Variants in STX8 observed in about 807,000 individuals in gnomAD.
STX8 encodes syntaxin-8.
Under a neutral mutation model 37.5 loss-of-function variants are expected in STX8, and 23 were observed. That is an observed-to-expected ratio of 0.61 (90% confidence interval 0.44 to 0.87). The LOEUF is 0.87. Among genes scored for constraint, STX8 ranks in the 40% least tolerant of loss-of-function variants. STX8 has a pLI of 0.00. For synonymous variants in STX8, 115 were observed against 99.1 expected, an observed-to-expected ratio of 1.16 and a Z score of -0.95; for missense variants, 313 against 284.7, an observed-to-expected ratio of 1.10 and a Z score of -0.71.
chr17:9,386,491 G>A (rs377276798), intron 6 of STX8, among the ~76,000 whole-genome samples: 1 of 152,048 alleles, frequency 6.6e-6, no homozygotes, highest in African/African-American at 2.4e-5. Context: ...ACAAATTCAC[G>A]CAAATGGGTA....
chr17:9,345,153 TTTC>T (rs1254924392), intron 7 of STX8, among the ~76,000 whole-genome samples: 1 of 151,562 alleles, frequency 6.6e-6, no homozygotes, highest in Non-Finnish European at 1.5e-5. Context: ...TCTCATTTTC[TTTC>T]TTTTTTTTTT....
Position 9,330,986 on chromosome 17 carries a change from C to T in STX8, c.643+47566G>A, listed in dbSNP as rs116937061. On this transcript the variant is annotated intron_variant, in intron 7 of 7. Transcript: ENST00000306357. The stretch of plus-strand genomic sequence containing the variant: ...TTTTAAATATAGAAAGCCAGGCCTC[C>T]GGCGCCAACTCTTCAACCCCCTCTC... Among the ~76,000 whole-genome samples, 87 of 152,308 alleles carry T rather than the reference C, an allele frequency of 5.7e-4. No individual in the cohort carries two copies. The East Asian group carries it at 0.014, about 25-fold the overall frequency.
rs1261219702 is a variant in STX8 at position 9,374,347 on chromosome 17, G to A, written c.643+4205C>T. ...TCCACATGCCTCGGCCTTCCAAAGTGCTGGGATTACAGGCGTGAGCCACCA... is the reference window on the plus strand; with the variant it reads ...TCCACATGCCTCGGCCTTCCAAAGTACTGGGATTACAGGCGTGAGCCACCA... On this transcript the variant is annotated intron_variant, in intron 7 of 7. Transcript: ENST00000306357. Among the ~76,000 whole-genome samples, 2 of 152,248 alleles carry A rather than the reference G, an allele frequency of 1.3e-5. 1 individual carries two copies. Among genetic ancestry groups the A allele is most frequent in the South Asian group, 4.2e-4 (2 of 4,818 alleles).
chr17:9,542,084 T>C (rs8072853), intron 4 of STX8, among the ~76,000 whole-genome samples: 61,409 of 151,320 alleles, frequency 0.41, 13,501 homozygotes, highest in African/African-American at 0.58. Context: ...ACAGGCCAGG[T>C]GTAGTGGCTC....
chr17:9,574,217 G>A (rs1048621705), intron 1 of STX8, among the ~76,000 whole-genome samples: 2 of 150,992 alleles, frequency 1.3e-5, no homozygotes, highest in Non-Finnish European at 2.9e-5. Context: ...GTTGCAGTGA[G>A]CCATGATCGC....
chr17:9,372,273 C>A (rs552876636), intron 7 of STX8, among the ~76,000 whole-genome samples: 2 of 150,698 alleles, frequency 1.3e-5, no homozygotes, highest in Non-Finnish European at 3.0e-5. Context: ...TTTCCACAAC[C>A]CCCCATGGTA....
chr17:9,453,947 A>G lies in STX8; in HGVS notation c.541+37882T>C, dbSNP rs1282947109. ...GAAGCATGGATGGCAATTGAAGAAG[A>G]GGGAAGGCGAGGCTCTGGGAAACCG... On this transcript the variant is annotated intron_variant, in intron 6 of 7. Transcript: ENST00000306357. Among the ~76,000 whole-genome samples, 3 of 152,262 alleles carry G rather than the reference A, an allele frequency of 2.0e-5. No homozygotes were observed. The East Asian group carries it at 5.8e-4, about 29-fold the overall frequency.
At chr17:9,315,677 A>G (rs1219459520) in intron 7 of STX8, among the ~76,000 whole-genome samples, 3 of 152,066 alleles carry the variant, frequency 2.0e-5, no homozygotes, top group Non-Finnish European at 2.9e-5. Context: ...TTTGGTTTCT[A>G]TCGGAGGCTA....
intron 6 of STX8, among the ~76,000 whole-genome samples, chr17:9,454,475 G>A (rs1209154379): frequency 6.6e-6 from 1 of 151,948 alleles, no homozygotes; most frequent in South Asian, 2.1e-4. Context: ...TCAGGAGATC[G>A]AGACCATCCT....
chr17:9,254,319 T>C (rs1331379216), intron 7 of STX8, among the ~76,000 whole-genome samples: 3 of 152,130 alleles, frequency 2.0e-5, no homozygotes, highest in Non-Finnish European at 4.4e-5. Context: ...TCAAACTCAG[T>C]GGCATTTTCC....
chr17:9,393,173 T>TG (rs1179285468), intron 6 of STX8, among the ~76,000 whole-genome samples: 1 of 151,906 alleles, frequency 6.6e-6, no homozygotes, highest in Non-Finnish European at 1.5e-5. Flanking sequence ...TCATCAAAAA[T>TG]CAGAGGCCAG....
chr17:9,288,022 A>G (rs1908142233), intron 7 of STX8, among the ~76,000 whole-genome samples: 1 of 138,540 alleles, frequency 7.2e-6, no homozygotes, highest in African/African-American at 2.7e-5. Context: ...TGCTGGGATT[A>G]CAGGTGTGAG....
intron 6 of STX8, among the ~76,000 whole-genome samples, chr17:9,453,052 C>T (rs1965889): frequency 0.2 from 29,687 of 151,964 alleles, 3,747 homozygotes; most frequent in East Asian, 0.63. Flanking sequence ...CTGATCTGCC[C>T]GCCTCGGCCT....
In STX8 at chr17:9,388,764, T is replaced by C. The variant is rs146149194; in HGVS notation, c.542-10111A>G. On this transcript the variant is annotated intron_variant, in intron 6 of 7. Coordinates refer to ENST00000306357, the MANE Select transcript of STX8 (RefSeq NM_004853.3). ...GTTACAGTGAGCCAACACAGTGCCA[T>C]TGCACTCCAGCCTGGGCAACAAGAG... 7.7e-3 allele frequency among the ~76,000 whole-genome samples: 1,157 copies of C among 149,820 alleles called. 20 individuals are homozygous for C. Among genetic ancestry groups the C allele is most frequent in the African/African-American group, 0.027 (1,094 of 40,542 alleles).
At chr17:9,573,300 T>C (rs1049399414) in intron 1 of STX8, among the ~76,000 whole-genome samples, 2 of 152,168 alleles carry the variant, frequency 1.3e-5, no homozygotes, top group Admixed American at 6.6e-5. Context: ...ATGTATTCTC[T>C]CTAAAGCCTG....
chr17:9,396,802 G>A (rs887878093), intron 6 of STX8, among the ~76,000 whole-genome samples: 3 of 151,426 alleles, frequency 2.0e-5, no homozygotes, highest in African/African-American at 7.3e-5. Flanking sequence ...TACAGCACAA[G>A]GAGTGAACCT....
chr17:9,302,587 C>T (rs1303551462), intron 7 of STX8, among the ~76,000 whole-genome samples: 14 of 152,172 alleles, frequency 9.2e-5, no homozygotes, highest in Admixed American at 9.2e-4. Context: ...GTGTGGCCCA[C>T]TTCCAGGCAT....
intron 6 of STX8, among the ~76,000 whole-genome samples, chr17:9,380,785 C>T (rs1452514460): frequency 7.0e-6 from 1 of 143,788 alleles, no homozygotes; most frequent in Non-Finnish European, 1.5e-5. Context: ...GTCATAGCAG[C>T]TCACCACAAC....
chr17:9,413,106 T>TA (rs1271079036), intron 6 of STX8, among the ~76,000 whole-genome samples: 2 of 151,988 alleles, frequency 1.3e-5, no homozygotes, highest in Non-Finnish European at 2.9e-5. Context: ...GAGAAAAAAA[T>TA]ACCAGAAAGG....
Sources: allele counts gnomAD v4.1 joint callset (sites outside exome capture counted in the v4.1 genomes callset), GRCh38; gene constraint gnomAD v4.1.1; transcripts MANE v1.5; gene names NCBI Gene and HGNC (gene_info 2026-07-23, HGNC 2026-07-21).